The following ZFHX3 variants were observed in gnomAD, a reference collection of about 807,000 sequenced individuals.
The protein encoded by ZFHX3 is zinc finger homeobox protein 3.
ZFHX3 carries 42 observed loss-of-function variants against 279.1 expected under a neutral mutation model. The observed-to-expected ratio is 0.15, with a 90% CI of 0.12 to 0.19. The LOEUF (loss-of-function observed/expected upper bound fraction) is 0.19, where lower values mean the gene tolerates loss of function less well. ZFHX3 is among the 10% of genes least tolerant of loss of function. The pLI is 1.00. For missense variants in ZFHX3, 4,981 were observed against 4,754.0 expected, an observed-to-expected ratio of 1.05 and a Z score of -1.40; for synonymous variants, 2,293 against 1,957.8, an observed-to-expected ratio of 1.17 and a Z score of -4.52.
chr16:73,682,934 G>GAAAGAA (rs1567550657), intron 1 of ZFHX3, among the ~76,000 whole-genome samples: 7 of 19,572 alleles, frequency 3.6e-4, no homozygotes, highest in African/African-American at 1.2e-3. Context: ...GAGAAAGAAA[G>GAAAGAA]AAAGAAAGAA....
At chr16:73,626,370 C>G (rs1020181504) in intron 2 of ZFHX3, among the ~76,000 whole-genome samples, 10 of 152,104 alleles carry the variant, frequency 6.6e-5, no homozygotes, top group Admixed American at 5.2e-4. Flanking sequence ...GTGCCCCCTC[C>G]CCCCGCCAAA....
At chr16:73,230,751 A>C (rs115397355) in intron 5 of ZFHX3, among the ~76,000 whole-genome samples, 2,094 of 152,256 alleles carry the variant, frequency 0.014, 55 homozygotes, top group African/African-American at 0.048. Context: ...GAGTAGGGGC[A>C]CCTCAGCCCG....
intron 1 of ZFHX3, among the ~76,000 whole-genome samples, chr16:73,860,589 T>C (rs1961855772): frequency 6.6e-6 from 1 of 152,220 alleles, no homozygotes; most frequent in Non-Finnish European, 1.5e-5. Context: ...CCAATTCTCA[T>C]GGAGCCATTT....
chr16:73,256,538 T>C (rs2013666321), intron 5 of ZFHX3, among the ~76,000 whole-genome samples: 1 of 152,210 alleles, frequency 6.6e-6, no homozygotes, highest in South Asian at 2.1e-4. Flanking sequence ...ACTTGGTAGA[T>C]CTGGGATGAG....
At chr16:73,816,445 A>T (rs2142343143) in intron 1 of ZFHX3, among the ~76,000 whole-genome samples, 1 of 152,320 alleles carries the variant, frequency 6.6e-6, no homozygotes, top group Non-Finnish European at 1.5e-5. Context: ...ATAAAGTTTT[A>T]TTGGAACACA....
intron 7 of ZFHX3, among the ~76,000 whole-genome samples, chr16:73,124,166 G>A (rs1467786454): frequency 6.6e-5 from 10 of 152,130 alleles, no homozygotes; most frequent in South Asian, 4.1e-4. Flanking sequence ...TCCGGCTGCC[G>A]TAACAAAATA....
chr16:73,115,543 C>G (rs1448938381), intron 7 of ZFHX3, among the ~76,000 whole-genome samples: 1 of 152,030 alleles, frequency 6.6e-6, no homozygotes, highest in African/African-American at 2.4e-5. Flanking sequence ...GAATGAGACC[C>G]TCTCTGAAGA....
chr16:73,890,315 T>C (rs559298142), intron 1 of ZFHX3, among the ~76,000 whole-genome samples: 1 of 151,012 alleles, frequency 6.6e-6, no homozygotes, highest in East Asian at 1.9e-4. Context: ...CATTTGCAGG[T>C]GTTGCATACA....
intron 7 of ZFHX3, among the ~76,000 whole-genome samples, chr16:73,108,466 G>A (rs1161927467): frequency 1.3e-5 from 2 of 151,970 alleles, no homozygotes; most frequent in Non-Finnish European, 2.9e-5. Flanking sequence ...TGCAGTGGTG[G>A]GATCACGGCT....
intron 7 of ZFHX3, among the ~76,000 whole-genome samples, chr16:73,110,121 G>A (rs537489497): frequency 2.4e-4 from 36 of 151,104 alleles, no homozygotes; most frequent in African/African-American, 8.3e-4. Flanking sequence ...GGAGAATGGC[G>A]TGAACCTGGG....
At chr16:73,541,345 G>T (rs540174737) in intron 2 of ZFHX3, among the ~76,000 whole-genome samples, 1 of 152,150 alleles carries the variant, frequency 6.6e-6, no homozygotes, top group Admixed American at 6.5e-5. Context: ...ACTTAGCCAG[G>T]CCTGTGGGTG....
intron 1 of ZFHX3, among the ~76,000 whole-genome samples, chr16:73,853,990 G>T (rs1326275198): frequency 1.3e-5 from 2 of 152,170 alleles, no homozygotes; most frequent in Non-Finnish European, 1.5e-5. Context: ...TTCTGTCTTT[G>T]ATACTGAAGG....
chr16:73,238,278 T>C (rs2144940279), intron 5 of ZFHX3, among the ~76,000 whole-genome samples: 1 of 152,340 alleles, frequency 6.6e-6, no homozygotes, highest in South Asian at 2.1e-4. Context: ...AATGATCATC[T>C]ATAGGCTGAT....
chr16:72,871,435 T>C (rs1187481156), intron 4 of ZFHX3, among the ~76,000 whole-genome samples: 1 of 151,264 alleles, frequency 6.6e-6, no homozygotes, highest in Non-Finnish European at 1.5e-5. Context: ...TCTGACTCAC[T>C]GGTTCAAGCA....
intron 3 of ZFHX3, among the ~76,000 whole-genome samples, chr16:73,414,800 C>T (rs1455070744): frequency 6.6e-6 from 1 of 152,156 alleles, no homozygotes; most frequent in Non-Finnish European, 1.5e-5. Context: ...TGCGCCACCG[C>T]ACTTTAGACT....
intron 7 of ZFHX3, 39 bp from the exon 8 acceptor site, chr16:72,800,168 A>G: frequency 1.3e-6 from 2 of 1,543,052 alleles, no homozygotes; most frequent in Non-Finnish European, 1.8e-6. Context: ...TGGAGAGGAA[A>G]GCGACACAAA....
At chr16:73,668,946 T>C (rs1365146315) in intron 2 of ZFHX3, among the ~76,000 whole-genome samples, 4 of 152,188 alleles carry the variant, frequency 2.6e-5, no homozygotes, top group Non-Finnish European at 5.9e-5. Context: ...ACTTTTAAAC[T>C]GTTGGTGGAG....
intron 1 of ZFHX3, among the ~76,000 whole-genome samples, chr16:73,787,874 A>AGAGG (rs969027676): frequency 2.0e-4 from 31 of 151,846 alleles, no homozygotes; most frequent in African/African-American, 7.3e-4. Flanking sequence ...AGAGAGAGAG[A>AGAGG]GAGAATGTAG....
chr16:73,419,541 G>T (rs541181530), intron 3 of ZFHX3, among the ~76,000 whole-genome samples: 3 of 151,844 alleles, frequency 2.0e-5, no homozygotes, highest in Non-Finnish European at 4.4e-5. Context: ...AGCTATTTAC[G>T]TAAGGCTGGG....
Sources: gnomAD v4.1 joint callset for allele counts (sites outside exome capture counted in the v4.1 genomes callset) on GRCh38, gnomAD v4.1.1 for gene constraint, MANE v1.5 for transcripts, NCBI Gene and HGNC (gene_info 2026-07-23, HGNC 2026-07-21) for gene names.